Variants in GLI2 observed in about 807,000 individuals in gnomAD.
GLI2 encodes the protein GLI family zinc finger 2.
GLI2 carries 22 observed loss-of-function variants against 78.9 expected under a neutral mutation model. The ratio of observed to expected loss-of-function variants is 0.28; its 90% CI spans 0.20 to 0.40. The LOEUF is 0.40. GLI2 is among the 10% of genes least tolerant of loss of function. The pLI, the probability that GLI2 is intolerant of heterozygous loss-of-function variation, is 1.00. For synonymous variants in GLI2, 974 were observed against 963.7 expected (o/e 1.01, Z -0.20); for missense variants, 2,097 against 2,213.2 (o/e 0.95, Z 1.05).
At chr2:120,879,250 G>A (rs1688919140) in intron 2 of GLI2, among the ~76,000 whole-genome samples, 1 of 152,196 alleles carries the variant, frequency 6.6e-6, no homozygotes, top group African/African-American at 2.4e-5. Flanking sequence ...TTGTTCCCAG[G>A]ACAATGGGTG....
chr2:120,888,344 G>C lies in GLI2; in HGVS notation c.149-39017G>C, dbSNP rs556817124. On this transcript the variant is annotated intron_variant, in intron 2 of 13. Coordinates refer to ENST00000361492, the MANE Select transcript of GLI2 (RefSeq NM_001374353.1). ...TTTTTGGTATTTTCCTGGGACATCT[G>C]TGACACCTGTTGACTCCATGAGTTC... Among the ~76,000 whole-genome samples, 7 of 152,234 alleles carry C rather than the reference G, an allele frequency of 4.6e-5. No homozygotes were observed. The South Asian group carries it at 8.3e-4, about 18-fold the overall frequency.
At chr2:120,972,462 C>A (rs978834094) in intron 8 of GLI2, among the ~76,000 whole-genome samples, 2 of 152,238 alleles carry the variant, frequency 1.3e-5, no homozygotes, top group Admixed American at 6.5e-5. Flanking sequence ...AACTCTACCC[C>A]ACCCTGGCTC....
At chr2:120,830,839 T>C (rs1331542241) in intron 2 of GLI2, among the ~76,000 whole-genome samples, 1 of 152,126 alleles carries the variant, frequency 6.6e-6, no homozygotes, top group Non-Finnish European at 1.5e-5. Flanking sequence ...TTTGTTGCTG[T>C]CTCTCTCACT....
At chr2:120,948,447 C>T (rs1464882588) in intron 3 of GLI2, among the ~76,000 whole-genome samples, 1 of 152,158 alleles carries the variant, frequency 6.6e-6, no homozygotes, top group East Asian at 1.9e-4. Flanking sequence ...GTGGAGTCTA[C>T]CTTCCCCAAA....
chr2:120,765,127 C>A (rs1282719565), intron 1 of GLI2, among the ~76,000 whole-genome samples: 2 of 152,182 alleles, frequency 1.3e-5, no homozygotes, highest in Non-Finnish European at 2.9e-5. Context: ...CTCCCCCTGC[C>A]CCTGGGGCTG....
chr2:120,833,203 T>C (rs1360533653), intron 2 of GLI2, among the ~76,000 whole-genome samples: 1 of 151,492 alleles, frequency 6.6e-6, no homozygotes, highest in East Asian at 1.9e-4. Context: ...GGCTTGTGCC[T>C]AAGGCCTCCA....
At chr2:120,980,937 A>G (rs1044756242) in intron 10 of GLI2, among the ~76,000 whole-genome samples, 2 of 151,900 alleles carry the variant, frequency 1.3e-5, no homozygotes, top group African/African-American at 2.4e-5. Flanking sequence ...CTAGAGTGCA[A>G]TAGTGCCATC....
At chr2:120,948,929 A>G (rs1320808022) in intron 3 of GLI2, among the ~76,000 whole-genome samples, 2 of 152,066 alleles carry the variant, frequency 1.3e-5, no homozygotes, top group Non-Finnish European at 2.9e-5. Context: ...AAGGCACCTT[A>G]GCTATTCTCT....
rs149576035 is a variant in GLI2, at chr2:120,836,532, GGGT to G, written c.148+39067_148+39069del. Reference sequence around the variant, plus strand: ...TTATTGTTGCAGACATTGTTGCCATGGGTGGCACACCTCCCCCTGTGTCCCTGT... The same window carrying G: ...TTATTGTTGCAGACATTGTTGCCATGGGCACACCTCCCCCTGTGTCCCTGT... On this transcript the variant is annotated intron_variant, in intron 2 of 13. Coordinates refer to ENST00000361492, the MANE Select transcript of GLI2 (RefSeq NM_001374353.1). 5.2e-3 allele frequency among the ~76,000 whole-genome samples: 793 copies of G among 152,256 alleles called. 5 individuals are homozygous for G. The highest frequency in any genetic ancestry group is 0.017 in the African/African-American group (704 of 41,532).
chr2:120,973,725 A>G (rs561859173), intron 8 of GLI2, among the ~76,000 whole-genome samples: 16 of 152,330 alleles, frequency 1.1e-4, no homozygotes, highest in African/African-American at 3.4e-4. Flanking sequence ...CCCTGGAGCT[A>G]TTGTACGACA....
chr2:120,742,429 A>T (rs1682577409), intron 1 of GLI2, among the ~76,000 whole-genome samples: 1 of 152,180 alleles, frequency 6.6e-6, no homozygotes, highest in South Asian at 2.1e-4. Context: ...AGGAACTGTA[A>T]GGGCCGCTCA....
At chr2:120,903,777 T>G (rs1678380849) in intron 2 of GLI2, among the ~76,000 whole-genome samples, 1 of 152,130 alleles carries the variant, frequency 6.6e-6, no homozygotes, top group African/African-American at 2.4e-5. Context: ...CCAAACCCCT[T>G]TGTGCTTCCT....
At position 120,927,392 on chromosome 2, in the gene GLI2, G is replaced by A. The variant is rs771240808; in HGVS notation, c.180G>A (p.Ala60=). The change falls in exon 3 of 14, where the codon GCG becomes GCA. Residue 60 remains alanine (A), a synonymous_variant. Transcript: ENST00000361492. ...AGCATCTCTTGCCACCATTCCATGC[G>A]CCCCTACCGATTGACATGCGACACC... ...VPQHLLPPFH[A]PLPIDMRHQE... The A allele has an allele frequency of 8.1e-6, 13 of 1,613,632 alleles. No homozygotes were observed. Among genetic ancestry groups the A allele is most frequent in the Middle Eastern group, 1.6e-4 (1 of 6,084 alleles).
chr2:120,952,944 C>T (rs1277725872), intron 4 of GLI2, among the ~76,000 whole-genome samples: 3 of 152,246 alleles, frequency 2.0e-5, no homozygotes, highest in African/African-American at 4.8e-5. Flanking sequence ...ACTGTCAACT[C>T]CCCAGCCTTG....
intron 3 of GLI2, among the ~76,000 whole-genome samples, chr2:120,939,817 T>C (rs770880378): frequency 5.9e-5 from 9 of 152,222 alleles, no homozygotes; most frequent in Non-Finnish European, 1.2e-4. Flanking sequence ...AGTGGATTCA[T>C]GTTCTCACCC....
chr2:120,952,372 C>A (rs1258548328), intron 4 of GLI2, among the ~76,000 whole-genome samples: 1 of 152,176 alleles, frequency 6.6e-6, no homozygotes, highest in South Asian at 2.1e-4. Flanking sequence ...GGGGTCCCAG[C>A]GAGTCTCTTA....
chr2:120,988,818 G>A lies in GLI2; in HGVS notation c.2853G>A (p.Arg951=). Residue 951 remains arginine (R), a synonymous_variant, in exon 14 of 14, where the codon CGG becomes CGA. Transcript: ENST00000361492. ...PHEAPGGGAR[R]ASDPVRRPDA... ...AGGCTCCAGGCGGCGGAGCCAGGCG[G>A]GCCAGCGACCCTGTGCGGCGGCCCG... 1 of 1,436,758 alleles carries A rather than the reference G, an allele frequency of 7.0e-7. No homozygotes were observed. Among genetic ancestry groups the A allele is most frequent in the Non-Finnish European group, 9.1e-7 (1 of 1,095,372 alleles). 89.0% of individuals were successfully genotyped at this position (1,436,758 alleles called of 1,614,324 possible). A position where few individuals can be genotyped will look rare whatever the true frequency, so the allele number is the denominator to read the frequency against.
At chr2:120,986,237 A>T (rs760811538) in intron 12 of GLI2, 41 bp from the exon 13 acceptor site, 3 of 1,573,706 alleles carry the variant, frequency 1.9e-6, no homozygotes, top group Non-Finnish European at 8.7e-7. Flanking sequence ...GTGGAATCTG[A>T]TACCCTCTGA....
At chr2:120,763,011 G>C (rs1365174052) in intron 1 of GLI2, among the ~76,000 whole-genome samples, 3 of 152,188 alleles carry the variant, frequency 2.0e-5, no homozygotes, top group African/African-American at 7.2e-5. Flanking sequence ...TTCCATATGG[G>C]GGACCACATG....
Sources: gnomAD v4.1 joint callset for allele counts (sites outside exome capture counted in the v4.1 genomes callset) on GRCh38, gnomAD v4.1.1 for gene constraint, MANE v1.5 for transcripts, NCBI Gene and HGNC (gene_info 2026-07-23, HGNC 2026-07-21) for gene names.